The following TBC1D5 variants were observed in gnomAD, a reference collection of about 807,000 sequenced individuals.
The protein encoded by TBC1D5 is TBC1 domain family, member 5.
In TBC1D5, 75 loss-of-function variants were observed where a neutral mutation model predicts 100.3. That is an observed-to-expected ratio of 0.75 (90% CI 0.62 to 0.91). The LOEUF is 0.91. TBC1D5 is among the 40% of genes least tolerant of loss of function. The probability of loss-of-function intolerance (pLI) is 0.00; values close to 1 mark genes in which losing one functional copy is unlikely to be tolerated. For missense variants in TBC1D5, 910 were observed against 942.4 expected (o/e 0.97, Z 0.45); for synonymous variants, 323 against 325.6 (o/e 0.99, Z 0.09).
intron 3 of TBC1D5, among the ~76,000 whole-genome samples, chr3:17,474,775 G>C (rs2095418793): frequency 2.0e-5 from 3 of 152,060 alleles, no homozygotes. Flanking sequence ...ATGTCAATGG[G>C]CAAGGACACG....
In TBC1D5 at chr3:17,683,036, C is replaced by T. The variant is rs150802136; in HGVS notation, c.-101+56307G>A. 3.7e-3 allele frequency among the ~76,000 whole-genome samples: 564 copies of T among 151,610 alleles called. 21 individuals are homozygous for T. Among genetic ancestry groups the T allele is most frequent in the African/African-American group, 0.013 (546 of 40,926 alleles). On this transcript the variant is annotated intron_variant, in intron 1 of 21. Transcript: ENST00000253692. ...AAGATCTTTTCCTCTTAGTCTCATA[C>T]TAATTCAGAACATCTTTCCTTACTT... is the stretch of plus-strand genomic sequence containing the variant.
chr3:17,534,910 A>C (rs954614235), intron 2 of TBC1D5, among the ~76,000 whole-genome samples: 18 of 152,296 alleles, frequency 1.2e-4, no homozygotes, highest in African/African-American at 4.1e-4. Context: ...TGTTTTAATG[A>C]CTTTTCTTTA....
chr3:17,295,435 G>A (rs1575175119), intron 14 of TBC1D5, among the ~76,000 whole-genome samples: 2 of 152,280 alleles, frequency 1.3e-5, no homozygotes, highest in Non-Finnish European at 2.9e-5. Flanking sequence ...ACCTCCATAT[G>A]AGGCAGAGCT....
At chr3:17,504,469 A>G (rs367726288) in intron 3 of TBC1D5, among the ~76,000 whole-genome samples, 2 of 152,184 alleles carry the variant, frequency 1.3e-5, no homozygotes, top group Admixed American at 1.3e-4. Context: ...AAAATTAAAA[A>G]AAAGGATTAT....
chr3:17,337,846 C>T (rs2088187775), intron 13 of TBC1D5, among the ~76,000 whole-genome samples: 1 of 152,034 alleles, frequency 6.6e-6, no homozygotes, highest in Non-Finnish European at 1.5e-5. Flanking sequence ...CTGGCCTCTA[C>T]CTAATGAATA....
At chr3:17,233,134 A>T (rs1285371590) in intron 17 of TBC1D5, among the ~76,000 whole-genome samples, 2 of 152,178 alleles carry the variant, frequency 1.3e-5, no homozygotes, top group African/African-American at 2.4e-5. Context: ...ATATTTAAAC[A>T]TTCTTTTTTT....
intron 1 of TBC1D5, among the ~76,000 whole-genome samples, chr3:17,642,810 T>C (rs1224734106): frequency 6.6e-6 from 1 of 152,150 alleles, no homozygotes; most frequent in African/African-American, 2.4e-5. Context: ...AGTAAGAACG[T>C]ACTACATCAA....
intron 2 of TBC1D5, among the ~76,000 whole-genome samples, chr3:17,594,203 T>C (rs1429711655): frequency 6.6e-6 from 1 of 152,174 alleles, no homozygotes; most frequent in Non-Finnish European, 1.5e-5. Context: ...CTGGGGTGAA[T>C]GACCTGGACT....
intron 16 of TBC1D5, among the ~76,000 whole-genome samples, chr3:17,255,853 A>T (rs2077602457): frequency 6.6e-6 from 1 of 152,058 alleles, no homozygotes; most frequent in Non-Finnish European, 1.5e-5. Context: ...CTTGGCTAAC[A>T]CGGTGAAACC....
chr3:17,190,656 C>T (rs1034408852), intron 18 of TBC1D5, among the ~76,000 whole-genome samples: 1 of 152,174 alleles, frequency 6.6e-6, no homozygotes, highest in Non-Finnish European at 1.5e-5. Flanking sequence ...GCCCCCAACA[C>T]ACACCATGCT....
intron 14 of TBC1D5, 45 bp from the exon 15 acceptor site, chr3:17,292,046 T>C (rs2081814994): frequency 1.3e-6 from 2 of 1,483,036 alleles, no homozygotes; most frequent in Admixed American, 1.8e-5. Flanking sequence ...CTATTTAAGA[T>C]ATTCTGCATT....
At chr3:17,715,914 T>C (rs760387033) in intron 1 of TBC1D5, among the ~76,000 whole-genome samples, 1 of 151,904 alleles carries the variant, frequency 6.6e-6, no homozygotes, top group Non-Finnish European at 1.5e-5. Context: ...TAGCCAGATG[T>C]GGTGGCACAT....
chr3:17,347,713 T>G lies in TBC1D5; in HGVS notation c.995+24362A>C, dbSNP rs559641299. Among the ~76,000 whole-genome samples the G allele has an allele frequency of 2.9e-4, 44 of 152,152 alleles. 1 individual carries two copies. The East Asian group carries it at 8.5e-3, about 29-fold the overall frequency. ...AATTTTTTGAGTTTAGATTTAAATC[T>G]AAATTATCCCTTGGGACAAGAGTAG... On this transcript the variant is annotated intron_variant, in intron 13 of 21. Transcript: ENST00000253692.
chr3:17,212,727 A>G (rs2073133191), intron 18 of TBC1D5, among the ~76,000 whole-genome samples: 1 of 152,112 alleles, frequency 6.6e-6, no homozygotes, highest in South Asian at 2.1e-4. Context: ...AAAAGCTTAA[A>G]AAGTAAAATA....
At chr3:17,204,814 G>A (rs1395623653) in intron 18 of TBC1D5, among the ~76,000 whole-genome samples, 2 of 152,110 alleles carry the variant, frequency 1.3e-5, no homozygotes, top group Non-Finnish European at 2.9e-5. Flanking sequence ...AAATTAAAAT[G>A]TCATGCTAAA....
intron 13 of TBC1D5, among the ~76,000 whole-genome samples, chr3:17,339,737 T>C (rs1001606087): frequency 3.3e-5 from 5 of 152,240 alleles, no homozygotes; most frequent in Non-Finnish European, 7.3e-5. Context: ...GCATGACATT[T>C]GCAGTGAATT....
intron 4 of TBC1D5, 118 bp from the exon 5 acceptor site, chr3:17,406,644 A>C (rs1018087016): frequency 2.5e-6 from 2 of 806,242 alleles, no homozygotes; most frequent in Admixed American, 5.4e-5. Context: ...TAAAACATAT[A>C]TATTTAGTTG....
chr3:17,533,822 A>G (rs2096257037), intron 2 of TBC1D5, among the ~76,000 whole-genome samples: 1 of 152,156 alleles, frequency 6.6e-6, no homozygotes, highest in Non-Finnish European at 1.5e-5. Context: ...CCGTAGCCCT[A>G]GGAAGTCAGT....
At chr3:17,296,280 C>G (rs1228028661) in intron 14 of TBC1D5, among the ~76,000 whole-genome samples, 1 of 152,192 alleles carries the variant, frequency 6.6e-6, no homozygotes, top group African/African-American at 2.4e-5. Context: ...GTTAATTGTA[C>G]TTGACTGAAA....
Sources: gnomAD v4.1 joint callset for allele counts (sites outside exome capture counted in the v4.1 genomes callset) on GRCh38, gnomAD v4.1.1 for gene constraint, MANE v1.5 for transcripts, NCBI Gene and HGNC (gene_info 2026-07-23, HGNC 2026-07-21) for gene names.